Variants in CHODL observed in about 807,000 individuals in gnomAD.
The protein encoded by CHODL is chondrolectin.
A neutral mutation model predicts 34.5 loss-of-function variants in CHODL; 29 were observed. The ratio of observed to expected loss-of-function variants is 0.84; its 90% CI spans 0.63 to 1.15. The LOEUF is 1.15. CHODL is among the 50% of genes most tolerant of loss of function. CHODL has a pLI of 0.00. For missense variants in CHODL, 332 were observed against 332.5 expected, an observed-to-expected ratio of 1.00 and a Z score of 0.01; for synonymous variants, 125 against 116.1, an observed-to-expected ratio of 1.08 and a Z score of -0.49.
intron 1 of CHODL, among the ~76,000 whole-genome samples, chr21:18,023,895 C>T (rs889885360): frequency 2.0e-5 from 3 of 152,076 alleles, no homozygotes; most frequent in South Asian, 2.1e-4. Flanking sequence ...GGAGATGAAA[C>T]GGCACAGAGT....
At chr21:18,097,886 C>G (rs2065158819) in intron 2 of CHODL, among the ~76,000 whole-genome samples, 1 of 152,064 alleles carries the variant, frequency 6.6e-6, no homozygotes, top group Non-Finnish European at 1.5e-5. Context: ...ACCAAAGGAC[C>G]AGAATAGAGA....
chr21:18,245,016 C>T lies in CHODL; in HGVS notation c.-208C>T. Reference sequence around the variant, plus strand: ...GCACCCTCGAAGTCTTGAACTCCAGCCCCGCACATCCACGCGCGGCACAGG... The same window carrying T: ...GCACCCTCGAAGTCTTGAACTCCAGTCCCGCACATCCACGCGCGGCACAGG... On this transcript the variant is annotated 5_prime_UTR_variant, in exon 1 of 6. Coordinates refer to ENST00000299295, the MANE Select transcript of CHODL (RefSeq NM_024944.3). 1 of 474,796 alleles carries T rather than the reference C, an allele frequency of 2.1e-6. No homozygotes were observed. The highest frequency in any genetic ancestry group is 3.7e-6 in the Non-Finnish European group (1 of 272,770). The allele number at this position is 474,796 out of a possible 1,614,324, so 29.4% of individuals were successfully genotyped here.
intron 2 of CHODL, among the ~76,000 whole-genome samples, chr21:18,098,828 T>C (rs545930281): frequency 1.1e-4 from 16 of 152,248 alleles, no homozygotes; most frequent in East Asian, 7.7e-4. Context: ...CCAACCTTAT[T>C]GTCCATCAAG....
chr21:17,963,247 G>C (rs1385875149), intron 1 of CHODL, among the ~76,000 whole-genome samples: 1 of 152,082 alleles, frequency 6.6e-6, no homozygotes, highest in East Asian at 1.9e-4. Context: ...TCCCAAAATA[G>C]AGTTAGTTGA....
At chr21:17,974,932 T>A (rs2063648959) in intron 1 of CHODL, among the ~76,000 whole-genome samples, 2 of 148,242 alleles carry the variant, frequency 1.3e-5, no homozygotes, top group South Asian at 4.2e-4. Flanking sequence ...TATATATATA[T>A]AAAATATATA....
At chr21:17,947,916 A>T (rs2063425090) in intron 1 of CHODL, among the ~76,000 whole-genome samples, 1 of 152,314 alleles carries the variant, frequency 6.6e-6, no homozygotes, top group Admixed American at 6.5e-5. Context: ...GTGCATCAGC[A>T]GATGATTGGA....
intron 1 of CHODL, among the ~76,000 whole-genome samples, chr21:17,989,539 G>A (rs1440283970): frequency 2.6e-5 from 4 of 152,118 alleles, no homozygotes; most frequent in Admixed American, 2.6e-4. Context: ...TGATTTGACT[G>A]GCTGTCTGTA....
chr21:18,062,062 A>C (rs1397492750), intron 2 of CHODL, among the ~76,000 whole-genome samples: 1 of 152,208 alleles, frequency 6.6e-6, no homozygotes, highest in Non-Finnish European at 1.5e-5. Context: ...TGAAGTTGCC[A>C]TAGAGCAACA....
chr21:18,266,353 CCTT>C lies in CHODL; in HGVS notation c.*316_*318del. On this transcript the variant is annotated 3_prime_UTR_variant, in exon 6 of 6. Coordinates refer to ENST00000299295, the MANE Select transcript of CHODL (RefSeq NM_024944.3). Reference sequence around the variant, plus strand: ...GGGAGTATGTGTGTTAGAAGCAATTCCTTTTATTTCTTTCACCTTTCATAAGTT... The same window carrying C: ...GGGAGTATGTGTGTTAGAAGCAATTCTTATTTCTTTCACCTTTCATAAGTT... 1 of 587,956 alleles carries C rather than the reference CCTT, an allele frequency of 1.7e-6. No individual in the cohort carries two copies. Among genetic ancestry groups the C allele is most frequent in the South Asian group, 2.3e-5 (1 of 43,452 alleles). 36.4% of individuals were successfully genotyped at this position (587,956 alleles called of 1,614,324 possible).
chr21:17,989,003 G>A (rs922681132), intron 1 of CHODL, among the ~76,000 whole-genome samples: 1 of 152,142 alleles, frequency 6.6e-6, no homozygotes, highest in Non-Finnish European at 1.5e-5. Context: ...GAACTACCCT[G>A]TAAAGGTTCA....
At chr21:18,095,505 C>A (rs1056725573) in intron 2 of CHODL, among the ~76,000 whole-genome samples, 1 of 152,080 alleles carries the variant, frequency 6.6e-6, no homozygotes, top group Non-Finnish European at 1.5e-5. Context: ...TGAGATTGAA[C>A]CCATATTAAA....
chr21:18,016,337 C>A (rs183867000), intron 1 of CHODL, among the ~76,000 whole-genome samples: 8 of 152,202 alleles, frequency 5.3e-5, no homozygotes, highest in Non-Finnish European at 1.2e-4. Context: ...GGATGCAAGC[C>A]GCAAGCCTTG....
chr21:18,048,429 G>A lies in CHODL; in HGVS notation c.-45+20458G>A, dbSNP rs77752532. ...CAATGAGACATGGTTGGAGGAACTA[G>A]GTGTGGGTATATAAGACTTTTTATA... On this transcript the variant is annotated intron_variant, in intron 2 of 6. Coordinates refer to the CHODL transcript ENST00000400127. Among the ~76,000 whole-genome samples the A allele has an allele frequency of 8.6e-3, 1,303 of 151,976 alleles. 51 individuals carry two copies. In the East Asian group the frequency reaches 0.097, roughly 11 times the overall value.
chr21:18,041,264 T>C (rs759907810), intron 2 of CHODL, among the ~76,000 whole-genome samples: 3 of 151,902 alleles, frequency 2.0e-5, no homozygotes, highest in Non-Finnish European at 4.4e-5. Context: ...AGAGATAGTG[T>C]TGGAGTCTTA....
chr21:18,098,005 G>A (rs558092072), intron 2 of CHODL, among the ~76,000 whole-genome samples: 250 of 152,004 alleles, frequency 1.6e-3, no homozygotes, highest in Non-Finnish European at 2.6e-3. Context: ...TTGGAAAACT[G>A]GCTATGCAAA....
intron 2 of CHODL, among the ~76,000 whole-genome samples, chr21:18,164,457 A>G (rs1386863445): frequency 6.6e-6 from 1 of 152,216 alleles, no homozygotes; most frequent in African/African-American, 2.4e-5. Flanking sequence ...AGTGTAGTCA[A>G]CTTCAGTTTT....
At chr21:18,064,631 T>C (rs879658872) in intron 2 of CHODL, among the ~76,000 whole-genome samples, 1 of 152,150 alleles carries the variant, frequency 6.6e-6, no homozygotes, top group Admixed American at 6.6e-5. Context: ...TCTCAGGCCC[T>C]TGGACTTGGC....
intron 2 of CHODL, among the ~76,000 whole-genome samples, chr21:18,141,958 C>G (rs1323151262): frequency 6.6e-6 from 1 of 151,914 alleles, no homozygotes; most frequent in African/African-American, 2.4e-5. Flanking sequence ...AATTCCTGTC[C>G]AAATTTAAAT....
At chr21:18,122,326 G>A (rs1026637239) in intron 2 of CHODL, among the ~76,000 whole-genome samples, 2 of 151,474 alleles carry the variant, frequency 1.3e-5, no homozygotes, top group South Asian at 2.1e-4. Context: ...ACTTTCTTAC[G>A]GTCACTGGAT....
Sources: gnomAD v4.1 joint callset for allele counts (sites outside exome capture counted in the v4.1 genomes callset) on GRCh38, gnomAD v4.1.1 for gene constraint, MANE v1.5 for transcripts, NCBI Gene and HGNC (gene_info 2026-07-23, HGNC 2026-07-21) for gene names.